The following DLC1 variants were observed in gnomAD, a reference collection of about 807,000 sequenced individuals.
The protein encoded by DLC1 is rho GTPase-activating protein 7.
A neutral mutation model predicts 140.3 loss-of-function variants in DLC1; 54 were observed. The ratio of observed to expected loss-of-function variants is 0.38; its 90% confidence interval spans 0.31 to 0.48. The LOEUF (loss-of-function observed/expected upper bound fraction) is 0.48, where lower values mean the gene tolerates loss of function less well. Ranked by LOEUF, DLC1 falls within the 20% of genes least tolerant of loss-of-function variation. The pLI, the probability that DLC1 is intolerant of heterozygous loss-of-function variation, is 0.96. For synonymous variants in DLC1, 986 were observed against 728.1 expected (o/e 1.35, Z -5.70); for missense variants, 2,536 against 1,907.0 (o/e 1.33, Z -6.14).
At chr8:13,577,428 G>A (rs557959372) in intron 1 of DLC1, among the ~76,000 whole-genome samples, 1 of 152,236 alleles carries the variant, frequency 6.6e-6, no homozygotes, top group African/African-American at 2.4e-5. Flanking sequence ...ATTTTTTGCA[G>A]TGGTTATGGT....
At chr8:13,569,362 AT>A (rs5889454) in intron 1 of DLC1, among the ~76,000 whole-genome samples, 149,630 of 152,158 alleles carry the variant, frequency 0.98, 73,622 homozygotes, top group East Asian at 1. Flanking sequence ...TAAAGATACT[AT>A]TTTTTTCCCC....
At chr8:13,463,945 G>A (rs937565565) in intron 2 of DLC1, among the ~76,000 whole-genome samples, 1 of 152,128 alleles carries the variant, frequency 6.6e-6, no homozygotes, top group South Asian at 2.1e-4. Context: ...TGAAATAAGT[G>A]AAGGAGATAA....
intron 5 of DLC1, among the ~76,000 whole-genome samples, chr8:13,116,717 AG>A (rs1157190368): frequency 3.3e-5 from 5 of 152,210 alleles, no homozygotes; most frequent in African/African-American, 1.2e-4. Flanking sequence ...CTTTGAAGAA[AG>A]GTAATTAAGC....
intron 5 of DLC1, among the ~76,000 whole-genome samples, chr8:13,227,733 C>T (rs1193086765): frequency 6.6e-6 from 1 of 152,166 alleles, no homozygotes; most frequent in Non-Finnish European, 1.5e-5. Context: ...TTTCTGGATT[C>T]CTGATGTCAT....
intron 2 of DLC1, among the ~76,000 whole-genome samples, chr8:13,491,696 C>T (rs1422488887): frequency 6.6e-6 from 1 of 152,060 alleles, no homozygotes; most frequent in Non-Finnish European, 1.5e-5. Context: ...CTCAGAGATC[C>T]AGATTTTACA....
chr8:13,411,354 G>A (rs568949423), intron 2 of DLC1, among the ~76,000 whole-genome samples: 1 of 152,294 alleles, frequency 6.6e-6, no homozygotes, highest in South Asian at 2.1e-4. Flanking sequence ...ATATTCTGGA[G>A]AGGCAAAACT....
chr8:13,117,403 G>C (rs571473287), intron 5 of DLC1, among the ~76,000 whole-genome samples: 2 of 152,050 alleles, frequency 1.3e-5, no homozygotes, highest in East Asian at 1.9e-4. Context: ...GCTTCAGCTT[G>C]GAAGGCTGAG....
At chr8:13,500,700 C>G (rs1448127234) in intron 1 of DLC1, among the ~76,000 whole-genome samples, 3 of 152,082 alleles carry the variant, frequency 2.0e-5, no homozygotes, top group Admixed American at 6.6e-5. Context: ...TGTGAAGGAG[C>G]TAACACCGAA....
chr8:13,602,792 T>C (rs1477532037), intron 1 of DLC1, among the ~76,000 whole-genome samples: 4 of 151,942 alleles, frequency 2.6e-5, no homozygotes, highest in Admixed American at 2.6e-4. Context: ...TGGCTTTTTG[T>C]ATTTTCCAAT....
At chr8:13,452,902 A>G (rs1285965709) in intron 2 of DLC1, among the ~76,000 whole-genome samples, 1 of 152,136 alleles carries the variant, frequency 6.6e-6, no homozygotes, top group African/African-American at 2.4e-5. Context: ...GCTGGCTCTA[A>G]TTTCCGGATG....
At position 13,131,322 on chromosome 8, in the gene DLC1, C is replaced by T. The variant is rs547654622; in HGVS notation, c.1349-15665G>A. Among the ~76,000 whole-genome samples, 23 of 152,246 alleles carry T rather than the reference C, an allele frequency of 1.5e-4. No homozygotes were observed. In the South Asian group the frequency reaches 4.6e-3, roughly 30 times the overall value. On this transcript the variant is annotated intron_variant, in intron 5 of 17. Coordinates refer to ENST00000276297, the MANE Select transcript of DLC1 (RefSeq NM_182643.3). Reference sequence around the variant, plus strand: ...TGCTGGACTATTATTTTCCCTCATCCCTTCAGCAAACAGAATTTTGGAGGA... The same window carrying T: ...TGCTGGACTATTATTTTCCCTCATCTCTTCAGCAAACAGAATTTTGGAGGA...
chr8:13,409,114 C>A (rs781669124), intron 2 of DLC1, among the ~76,000 whole-genome samples: 2 of 152,060 alleles, frequency 1.3e-5, no homozygotes, highest in Non-Finnish European at 2.9e-5. Flanking sequence ...GAATGTCAAT[C>A]ATCCTGAGTC....
chr8:13,306,260 G>T (rs1832422632), intron 4 of DLC1, among the ~76,000 whole-genome samples: 2 of 152,146 alleles, frequency 1.3e-5, no homozygotes, highest in African/African-American at 4.8e-5. Context: ...TAAAAATAGG[G>T]TTCAGAATGA....
intron 16 of DLC1, 77 bp downstream of exon 16, chr8:13,088,410 G>T: frequency 1.3e-6 from 2 of 1,488,456 alleles, no homozygotes; most frequent in Non-Finnish European, 9.3e-7. Flanking sequence ...ATACCATCTT[G>T]TAAGATCAGT....
Position 13,369,143 on chromosome 8 carries a change from C to T in DLC1, c.1314+24410G>A, listed in dbSNP as rs577084460. 4.6e-5 allele frequency among the ~76,000 whole-genome samples: 7 copies of T among 152,210 alleles called. 1 individual carries two copies. The South Asian group carries it at 8.3e-4, about 18-fold the overall frequency. On this transcript the variant is annotated intron_variant, in intron 4 of 17. Coordinates refer to ENST00000276297, the MANE Select transcript of DLC1 (RefSeq NM_182643.3). ...TATGATTACACGGTTCACCTTATTT[C>T]CATTCATATGTCCATCCTGCATCCT... is the stretch of plus-strand genomic sequence containing the variant.
chr8:13,377,805 A>G (rs1334570434), intron 4 of DLC1, among the ~76,000 whole-genome samples: 1 of 152,072 alleles, frequency 6.6e-6, no homozygotes, highest in African/African-American at 2.4e-5. Flanking sequence ...GCGCCTAATG[A>G]TAAAAGGGAA....
intron 2 of DLC1, among the ~76,000 whole-genome samples, chr8:13,493,614 A>G (rs1248322930): frequency 6.6e-6 from 1 of 152,218 alleles, no homozygotes; most frequent in Non-Finnish European, 1.5e-5. Flanking sequence ...ATTATTGTTA[A>G]CTATAGTTAC....
chr8:13,391,320 A>G (rs1017040352), intron 4 of DLC1, among the ~76,000 whole-genome samples: 24 of 152,182 alleles, frequency 1.6e-4, no homozygotes, highest in African/African-American at 5.8e-4. Flanking sequence ...GCATGACTAG[A>G]AAGCTCTGCT....
At chr8:13,276,248 C>T (rs1310307993) in intron 5 of DLC1, 2 of 1,535,324 alleles carry the variant, frequency 1.3e-6, no homozygotes, top group South Asian at 2.4e-5. Context: ...CTCCAATCCC[C>T]CTCTGCCTCT....
Sources: gnomAD v4.1 joint callset for allele counts (sites outside exome capture counted in the v4.1 genomes callset) on GRCh38, gnomAD v4.1.1 for gene constraint, MANE v1.5 for transcripts, NCBI Gene and HGNC (gene_info 2026-07-23, HGNC 2026-07-21) for gene names.